The following GCC2 variants were observed in gnomAD, a reference collection of about 807,000 sequenced individuals.
GCC2 encodes the protein GRIP and coiled-coil domain containing 2, also known as GRIP and coiled-coil domain-containing protein 2.
A neutral mutation model predicts 210.6 loss-of-function variants in GCC2; 120 were observed. That is an observed-to-expected ratio of 0.57 (90% confidence interval 0.49 to 0.66). GCC2 has a LOEUF of 0.66. Ranked by LOEUF, GCC2 falls within the 30% of genes least tolerant of loss-of-function variation. The pLI is 0.00. For missense variants in GCC2, 1,868 were observed against 1,871.9 expected (o/e 1.00, Z 0.04); for synonymous variants, 703 against 652.7 (o/e 1.08, Z -1.17).
chr2:108,482,238 T>C lies in GCC2; in HGVS notation c.3181-49T>C, dbSNP rs749056470. The C allele has an allele frequency of 3.8e-6, 4 of 1,065,986 alleles. No homozygotes were observed. The South Asian group carries it at 5.9e-5, about 16-fold the overall frequency. The allele number at this position is 1,065,986 out of a possible 1,614,324, so 66.0% of individuals were successfully genotyped here. ...ATGTACCTGTTCATTCTTCCTCTGC[T>C]GTATATGTTTTTTGCATGTTTATAG... On this transcript the variant is annotated intron_variant, in intron 10 of 22. Transcript: ENST00000309863.
At chr2:108,463,660 A>G (rs1424937851) in intron 4 of GCC2, among the ~76,000 whole-genome samples, 1 of 152,162 alleles carries the variant, frequency 6.6e-6, no homozygotes, top group Non-Finnish European at 1.5e-5. Flanking sequence ...TTAGCAGGCC[A>G]ATTCTTGAGC....
chr2:108,453,885 C>T (rs549673128), intron 4 of GCC2, among the ~76,000 whole-genome samples: 22 of 152,066 alleles, frequency 1.4e-4, no homozygotes, highest in Admixed American at 2.6e-4. Flanking sequence ...TTTCATTGCC[C>T]GCCTTAGGCC....
rs1273365164 is a variant in GCC2 at position 108,508,913 on chromosome 2, G to T, written c.*1283G>T. 6.6e-6 allele frequency: 1 copy of T among 152,518 alleles called. No individual in the cohort carries two copies. The highest frequency in any genetic ancestry group is 1.9e-4 in the East Asian group (1 of 5,186). 9.4% of individuals were successfully genotyped at this position (152,518 alleles called of 1,614,324 possible). A position where few individuals can be genotyped will look rare whatever the true frequency, so the allele number is the denominator to read the frequency against. On this transcript the variant is annotated 3_prime_UTR_variant, in exon 23 of 23. Coordinates refer to ENST00000309863, the MANE Select transcript of GCC2 (RefSeq NM_181453.4). ...ATACTCTTAATTTAATTTTCTTTCT[G>T]AGCTGGAGAACTGGCTTTGCACTTT...
In GCC2 at chr2:108,471,628, G is replaced by A. The variant is rs1681225368; in HGVS notation, c.2299G>A (p.Gly767Arg). Residue 767 changes from glycine (G) to arginine (R), a missense_variant, in exon 6 of 23, where the codon GGA (glycine) becomes AGA (arginine). Physicochemically the swap from Gly to Arg is moderately radical, Grantham distance 125. Transcript: ENST00000309863. Reference sequence around the variant, plus strand: ...GTTGTATGGTTTTCTTAAAGAAATGGGATCAGAAGTTTCAGAAGACAGTGA... The same window carrying A: ...GTTGTATGGTTTTCTTAAAGAAATGAGATCAGAAGTTTCAGAAGACAGTGA... Reference protein sequence around the residue: ...TQLYGFLKEMGSEVSEDSEEK... With the variant: ...TQLYGFLKEMRSEVSEDSEEK... 6.2e-7 allele frequency: 1 copy of A among 1,613,446 alleles called. No individual in the cohort carries two copies. The highest frequency in any genetic ancestry group is 1.3e-5 in the African/African-American group (1 of 75,002).
intron 2 of GCC2, 140 bp from the exon 3 acceptor site, chr2:108,450,888 A>C (rs958307566): frequency 3.2e-6 from 2 of 628,598 alleles, no homozygotes; most frequent in African/African-American, 1.9e-5. Flanking sequence ...TCTCAAAAAA[A>C]AAATGTGGAA....
At position 108,502,018 on chromosome 2, in the gene GCC2, T is replaced by C. The variant is rs1409844787; in HGVS notation, c.4984+2264T>C. On this transcript the variant is annotated intron_variant, in intron 22 of 22. Transcript: ENST00000309863. ...ACATCATGTGTATTTTTAGTAGTTA[T>C]TCAAATTACAAATTCACTGTCTTTA... Among the ~76,000 whole-genome samples, 4 of 152,150 alleles carry C rather than the reference T, an allele frequency of 2.6e-5. No individual in the cohort carries two copies. In the East Asian group the frequency reaches 5.8e-4, roughly 22 times the overall value.
chr2:108,453,845 A>C (rs1342907704), intron 4 of GCC2, among the ~76,000 whole-genome samples: 1 of 151,608 alleles, frequency 6.6e-6, no homozygotes, highest in African/African-American at 2.4e-5. Flanking sequence ...CACTCCCTTA[A>C]TGCTAACAAA....
chr2:108,473,186 C>T lies in GCC2; in HGVS notation c.2860+287C>T. ...TAGCAAATTTTATTTAAATGCCCAACTATTCTAGACCCTGGTGATAGAAAA... is the reference window on the plus strand; with the variant it reads ...TAGCAAATTTTATTTAAATGCCCAATTATTCTAGACCCTGGTGATAGAAAA... On this transcript the variant is annotated intron_variant, in intron 7 of 22. Coordinates refer to ENST00000309863, the MANE Select transcript of GCC2 (RefSeq NM_181453.4). 4 of 296,246 alleles carry T rather than the reference C, an allele frequency of 1.4e-5. No individual in the cohort carries two copies. In the South Asian group the frequency reaches 1.8e-4, roughly 13 times the overall value. 18.4% of individuals were successfully genotyped at this position (296,246 alleles called of 1,614,324 possible).
chr2:108,470,576 G>A lies in GCC2; in HGVS notation c.1247G>A (p.Cys416Tyr). 1 of 1,608,988 alleles carries A rather than the reference G, an allele frequency of 6.2e-7. No homozygotes were observed. The highest frequency in any genetic ancestry group is 8.5e-7 in the Non-Finnish European group (1 of 1,177,768). ...CTAGCAGGTTTAAATAAACAGTTTT[G>A]CTATACTGTAGAACAGCATAACAGA... ...SELAGLNKQF[C>Y]YTVEQHNREV... Residue 416 changes from cysteine to tyrosine, a missense_variant, in exon 6 of 23, where the codon TGC (cysteine) becomes TAC (tyrosine). Cys to Tyr is a radical substitution (Grantham distance 194). Transcript: ENST00000309863.
chr2:108,468,935 C>T, intron 4 of GCC2, 45 bp from the exon 5 acceptor site: 3 of 1,227,376 alleles, frequency 2.4e-6, no homozygotes, highest in Non-Finnish European at 3.6e-6. Flanking sequence ...TGTGGTCAAT[C>T]CACCATTTTT....
In GCC2 at chr2:108,486,637, C is replaced by T. The variant is rs567930302; in HGVS notation, c.3919C>T (p.Arg1307Cys). 65 of 1,611,596 alleles carry T rather than the reference C, an allele frequency of 4.0e-5. No homozygotes were observed. Among genetic ancestry groups the T allele is most frequent in the East Asian group, 1.6e-4 (7 of 44,858 alleles). ...QRVTALQEEC[R>C]AAKAEQATVT... Reference sequence around the variant, plus strand: ...AGTGACAGCACTACAGGAAGAGTGCCGTGCTGCCAAGGTGCGTTCTTCAGG... The same window carrying T: ...AGTGACAGCACTACAGGAAGAGTGCTGTGCTGCCAAGGTGCGTTCTTCAGG... The change falls in exon 16 of 23, where the codon CGT (arginine) becomes TGT (cysteine). Residue 1307 changes from arginine to cysteine, a missense_variant. Physicochemically the swap from Arg to Cys is radical, Grantham distance 180. This residue lies in a region of GCC2 where 1,847 missense variants were observed against 1,765.2 expected (regional missense o/e 1.05). Coordinates refer to ENST00000309863, the MANE Select transcript of GCC2 (RefSeq NM_181453.4).
chr2:108,453,532 C>T (rs1680072777), intron 4 of GCC2, among the ~76,000 whole-genome samples: 3 of 152,270 alleles, frequency 2.0e-5, no homozygotes, highest in African/African-American at 7.2e-5. Context: ...CACCTGTAAT[C>T]CCAGCACTTT....
At chr2:108,486,393 A>G (rs1682140428) in intron 15 of GCC2, 118 bp from the exon 16 acceptor site, 1 of 879,904 alleles carries the variant, frequency 1.1e-6, no homozygotes, top group African/African-American at 1.7e-5. Context: ...ATATTTCACT[A>G]CTTAATTATG....
At chr2:108,472,805 T>C (rs535986572) in intron 6 of GCC2, 22 bp from the exon 7 acceptor site, 2 of 1,414,512 alleles carry the variant, frequency 1.4e-6, no homozygotes, top group South Asian at 2.5e-5. Context: ...TTTTGTGTTT[T>C]TTTTTCCCCT....
chr2:108,475,062 A>C (rs1404590898), intron 7 of GCC2: 5 of 152,428 alleles, frequency 3.3e-5, no homozygotes, highest in African/African-American at 9.6e-5. Flanking sequence ...TAAAGAAGTT[A>C]ACAGAGATCA....
intron 20 of GCC2, 83 bp from the exon 21 acceptor site, chr2:108,496,887 T>C (rs1682669247): frequency 1.9e-6 from 3 of 1,576,880 alleles, no homozygotes; most frequent in African/African-American, 1.4e-5. Context: ...TAGTAAGATA[T>C]TTATATTTAG....
rs2104530448 is a variant in GCC2, at chr2:108,509,031, A to G, written c.*1401A>G. The G allele has an allele frequency of 6.5e-6, 1 of 152,770 alleles. No individual in the cohort carries two copies. Among genetic ancestry groups the G allele is most frequent in the Admixed American group, 6.5e-5 (1 of 15,304 alleles). The allele number at this position is 152,770 out of a possible 1,614,324, so 9.5% of individuals were successfully genotyped here. ...CTTTAAAAAATAGCTCATATATCTC[A>G]TCTTTCCTCCTGTCTTAGAAGAACA... On this transcript the variant is annotated 3_prime_UTR_variant, in exon 23 of 23. Transcript: ENST00000309863.
At chr2:108,475,706 T>TA (rs751521940) in intron 8 of GCC2, 46 bp from the exon 9 acceptor site, 13,722 of 1,324,022 alleles carry the variant, frequency 0.01, no homozygotes, top group Non-Finnish European at 0.011. Flanking sequence ...TTCTATCCAT[T>TA]AAAAAAAAAC....
At chr2:108,499,921 T>G (rs988897812) in intron 22 of GCC2, among the ~76,000 whole-genome samples, 167 bp downstream of exon 22, 3 of 152,210 alleles carry the variant, frequency 2.0e-5, no homozygotes, top group Admixed American at 2.0e-4. Context: ...TTTAACATCT[T>G]GAGGCAACTG....
Sources: allele counts gnomAD v4.1 joint callset (sites outside exome capture counted in the v4.1 genomes callset), GRCh38; gene constraint gnomAD v4.1.1; regional missense constraint gnomAD v4.1.1; transcripts MANE v1.5; gene names NCBI Gene and HGNC (gene_info 2026-07-23, HGNC 2026-07-21).